The following MSRA variants were observed in gnomAD, a reference collection of about 807,000 sequenced individuals.
MSRA encodes methionine sulfoxide reductase A, also known as mitochondrial peptide methionine sulfoxide reductase.
MSRA carries 54 observed loss-of-function variants against 31.3 expected under a neutral mutation model. The observed-to-expected ratio is 1.73, with a 90% CI of 1.39 to 2.17. The LOEUF is 2.17. MSRA is among the 30% of genes most tolerant of loss of function. The pLI, the probability that MSRA is intolerant of heterozygous loss-of-function variation, is 0.00. For missense variants in MSRA, 507 were observed against 300.9 expected (o/e 1.69, Z -5.07); for synonymous variants, 169 against 116.5 (o/e 1.45, Z -2.90).
At chr8:10,210,142 G>T (rs1202126616) in intron 2 of MSRA, among the ~76,000 whole-genome samples, 1 of 152,168 alleles carries the variant, frequency 6.6e-6, no homozygotes, top group Non-Finnish European at 1.5e-5. Flanking sequence ...GGTCAACTCA[G>T]CACAGTGCTT....
intron 4 of MSRA, among the ~76,000 whole-genome samples, chr8:10,302,959 T>G (rs1310756062): frequency 6.6e-6 from 1 of 152,176 alleles, no homozygotes; most frequent in Non-Finnish European, 1.5e-5. Context: ...TGGGCCTAGA[T>G]TGCTTTGGTT....
chr8:10,073,251 C>G (rs1337023775), intron 1 of MSRA, among the ~76,000 whole-genome samples: 2 of 152,090 alleles, frequency 1.3e-5, no homozygotes, highest in Non-Finnish European at 2.9e-5. Flanking sequence ...CAGCTGTAGG[C>G]TTTTTTGCAG....
chr8:10,166,710 T>A (rs1485436287), intron 1 of MSRA, among the ~76,000 whole-genome samples: 1 of 152,212 alleles, frequency 6.6e-6, no homozygotes, highest in Non-Finnish European at 1.5e-5. Context: ...TTGATCATAC[T>A]TTTACAACTC....
At chr8:10,150,225 A>G (rs1803542752) in intron 1 of MSRA, among the ~76,000 whole-genome samples, 1 of 152,084 alleles carries the variant, frequency 6.6e-6, no homozygotes, top group South Asian at 2.1e-4. Context: ...CTCTTTTCAA[A>G]TTGAAGGAAG....
At chr8:10,311,909 C>G (rs1392312738) in intron 4 of MSRA, among the ~76,000 whole-genome samples, 1 of 152,036 alleles carries the variant, frequency 6.6e-6, no homozygotes, top group Non-Finnish European at 1.5e-5. Context: ...AGAGCAAGAG[C>G]TTGCCTGAAA....
rs112913796 is a variant in MSRA at position 10,180,283 on chromosome 8, C to G, written c.143-27550C>G. ...GTAAAGGATACAACTCAGGACCAAC[C>G]CAATGGAAGAGGTGCATAGGTCAGG... On this transcript the variant is annotated intron_variant, in intron 1 of 5. Coordinates refer to ENST00000317173, the MANE Select transcript of MSRA (RefSeq NM_012331.5). Among the ~76,000 whole-genome samples the G allele has an allele frequency of 6.1e-3, 930 of 152,266 alleles. 13 individuals carry two copies. Among genetic ancestry groups the G allele is most frequent in the African/African-American group, 0.021 (870 of 41,560 alleles).
chr8:10,192,183 C>G (rs1056728623), intron 1 of MSRA, among the ~76,000 whole-genome samples: 8 of 152,218 alleles, frequency 5.3e-5, no homozygotes, highest in African/African-American at 1.7e-4. Context: ...CGGAATCAAA[C>G]CCCCATCACT....
In MSRA at chr8:10,428,586, C is replaced by A. The variant is rs368009238; in HGVS notation, c.*274C>A. On this transcript the variant is annotated 3_prime_UTR_variant, in exon 6 of 6. Transcript: ENST00000317173. ...AAGATAGCAGGGATGCTGTGTTCAC[C>A]CTTCTTGGTAGAAGCTAAGGTGTGA... is the stretch of plus-strand genomic sequence containing the variant. The A allele has an allele frequency of 8.4e-4, 334 of 395,478 alleles. 5 individuals carry two copies. The East Asian group carries it at 0.013, about 16-fold the overall frequency. 24.5% of individuals were successfully genotyped at this position (395,478 alleles called of 1,614,324 possible). A position where few individuals can be genotyped will look rare whatever the true frequency, so the allele number is the denominator to read the frequency against.
intron 1 of MSRA, among the ~76,000 whole-genome samples, chr8:10,160,818 G>A (rs1376134169): frequency 1.3e-5 from 2 of 152,104 alleles, no homozygotes; most frequent in Non-Finnish European, 2.9e-5. Context: ...ATGAGCCATC[G>A]TACCCGGCCG....
intron 5 of MSRA, among the ~76,000 whole-genome samples, chr8:10,376,554 A>G (rs1805767124): frequency 1.3e-5 from 2 of 152,320 alleles, no homozygotes; most frequent in South Asian, 2.1e-4. Flanking sequence ...GGTTTGGTAA[A>G]TGATAAATAA....
At chr8:10,259,941 T>C (rs976829590) in intron 3 of MSRA, among the ~76,000 whole-genome samples, 3 of 152,224 alleles carry the variant, frequency 2.0e-5, no homozygotes, top group Non-Finnish European at 4.4e-5. Context: ...CTGTTCACAG[T>C]CCTGATTTGG....
chr8:10,254,912 A>G (rs1031279270), intron 3 of MSRA, among the ~76,000 whole-genome samples: 3 of 152,244 alleles, frequency 2.0e-5, no homozygotes, highest in Non-Finnish European at 4.4e-5. Flanking sequence ...CTACAGAAAC[A>G]CGGGATTTCC....
chr8:10,211,579 G>C (rs966724513), intron 2 of MSRA, among the ~76,000 whole-genome samples: 3 of 152,112 alleles, frequency 2.0e-5, no homozygotes, highest in Non-Finnish European at 4.4e-5. Context: ...TGGTAGCTGT[G>C]AGTGCCCCCT....
intron 2 of MSRA, among the ~76,000 whole-genome samples, chr8:10,242,829 C>G (rs921740009): frequency 6.6e-6 from 1 of 152,126 alleles, no homozygotes; most frequent in African/African-American, 2.4e-5. Context: ...TTTTATCCTC[C>G]TAACAACCTG....
chr8:10,330,291 T>C (rs1252867161), intron 5 of MSRA, among the ~76,000 whole-genome samples: 2 of 151,892 alleles, frequency 1.3e-5, no homozygotes, highest in African/African-American at 2.4e-5. Flanking sequence ...AGTTTTATGA[T>C]CCAGAAAATA....
chr8:10,373,975 G>T (rs1304851130), intron 5 of MSRA, among the ~76,000 whole-genome samples: 1 of 152,196 alleles, frequency 6.6e-6, no homozygotes, highest in East Asian at 1.9e-4. Context: ...CCCAAGGGCA[G>T]ATGCATGTCT....
chr8:10,399,237 T>TA (rs1807290800), intron 5 of MSRA, among the ~76,000 whole-genome samples: 1 of 152,220 alleles, frequency 6.6e-6, no homozygotes, highest in Non-Finnish European at 1.5e-5. Flanking sequence ...TGACAATGTC[T>TA]AGGGGGAGAA....
chr8:10,291,443 A>G (rs1038980384), intron 3 of MSRA, among the ~76,000 whole-genome samples: 1 of 152,136 alleles, frequency 6.6e-6, no homozygotes, highest in Non-Finnish European at 1.5e-5. Flanking sequence ...AGATAAAATG[A>G]CAGTATAGAC....
intron 2 of MSRA, among the ~76,000 whole-genome samples, chr8:10,215,609 G>A (rs1809922262): frequency 6.6e-6 from 1 of 152,184 alleles, no homozygotes; most frequent in South Asian, 2.1e-4. Flanking sequence ...GACAGCATTA[G>A]TTGAGAACTC....
Sources: allele counts gnomAD v4.1 joint callset (sites outside exome capture counted in the v4.1 genomes callset), GRCh38; gene constraint gnomAD v4.1.1; transcripts MANE v1.5; gene names NCBI Gene and HGNC (gene_info 2026-07-23, HGNC 2026-07-21).